Variants in ATAD5 observed in about 807,000 individuals in gnomAD.
ATAD5 encodes the protein ATPase family AAA domain-containing protein 5.
In ATAD5, 58 loss-of-function variants were observed where a neutral mutation model predicts 176.9. The ratio of observed to expected loss-of-function variants is 0.33; its 90% confidence interval spans 0.27 to 0.41. The LOEUF (loss-of-function observed/expected upper bound fraction) is 0.41. ATAD5 is among the 10% of genes least tolerant of loss of function. The pLI, the probability that ATAD5 is intolerant of heterozygous loss-of-function variation, is 1.00. For missense variants in ATAD5, 1,789 were observed against 2,094.1 expected, an observed-to-expected ratio of 0.85 and a Z score of 2.84; for synonymous variants, 640 against 712.6, an observed-to-expected ratio of 0.90 and a Z score of 1.62.
chr17:30,851,789 G>A (rs1906987451), intron 6 of ATAD5, among the ~76,000 whole-genome samples: 1 of 152,130 alleles, frequency 6.6e-6, no homozygotes, highest in Admixed American at 6.6e-5. Context: ...TGCCGTGTTG[G>A]CCAGGCTGTC....
chr17:30,872,267 C>G (rs1908379439), intron 14 of ATAD5, among the ~76,000 whole-genome samples: 1 of 152,098 alleles, frequency 6.6e-6, no homozygotes, highest in Non-Finnish European at 1.5e-5. Flanking sequence ...AGCATTTAGT[C>G]TAGGGCTAAT....
At chr17:30,877,369 T>C (rs1304745710) in intron 15 of ATAD5, 47 bp from the exon 16 acceptor site, 1 of 1,303,030 alleles carries the variant, frequency 7.7e-7, no homozygotes, top group East Asian at 2.4e-5. Context: ...TCCAATGTCT[T>C]AGCAAAAGTT....
At position 30,835,597 on chromosome 17, in the gene ATAD5, A is replaced by G. The variant is rs533226106; in HGVS notation, c.1516A>G (p.Thr506Ala). Reference sequence around the variant, plus strand: ...GGGAAACACTCAAAAGAAAGAAACAACCTTTTTCTTAAAAGAGAAACAATA... The same window carrying G: ...GGGAAACACTCAAAAGAAAGAAACAGCCTTTTTCTTAAAAGAGAAACAATA... ...REGNTQKKET[T>A]FFLKEKQYQN... is the part of the protein sequence containing the mutation. The change falls in exon 2 of 23, where the codon ACC becomes GCC. Residue 506 changes from threonine to alanine, a missense_variant. Physicochemically the swap from Thr to Ala is moderately conservative, Grantham distance 58. Coordinates refer to ENST00000321990, the MANE Select transcript of ATAD5 (RefSeq NM_024857.5). 163 of 1,611,730 alleles carry G rather than the reference A, an allele frequency of 1.0e-4. No homozygotes were observed. In the South Asian group the frequency reaches 1.7e-3, roughly 17 times the overall value.
At chr17:30,833,322 T>C (rs1412732055) in intron 1 of ATAD5, among the ~76,000 whole-genome samples, 1 of 152,190 alleles carries the variant, frequency 6.6e-6, no homozygotes, top group African/African-American at 2.4e-5. Context: ...ATCTTTCCGT[T>C]ACAGTTTCTG....
chr17:30,869,138 T>C, intron 12 of ATAD5, 110 bp from the exon 13 acceptor site: 2 of 1,326,690 alleles, frequency 1.5e-6, no homozygotes, highest in South Asian at 2.8e-5. Flanking sequence ...TATAAAGTAA[T>C]TTTTCAGCAT....
chr17:30,842,748 GTTGCT>G (rs1451385432), intron 4 of ATAD5, among the ~76,000 whole-genome samples: 5 of 152,044 alleles, frequency 3.3e-5, no homozygotes, highest in Non-Finnish European at 7.4e-5. Context: ...TCATATGTTA[GTTGCT>G]TTATTTTTTA....
rs1033691490 is a variant in ATAD5, at chr17:30,858,502, C to T, written c.2956+179C>T. Among the ~76,000 whole-genome samples, 81 of 152,250 alleles carry T rather than the reference C, an allele frequency of 5.3e-4. 1 individual carries two copies. The highest frequency in any genetic ancestry group is 5.0e-3 in the Admixed American group (76 of 15,274). ...CTGGGTTCAAGTGATTCTCCTGCCT[C>T]AGCCTCCTGAGTAGCTGGGATTACA... On this transcript the variant is annotated intron_variant, in intron 9 of 22. Transcript: ENST00000321990.
In ATAD5 at chr17:30,835,457, G is replaced by A. The variant is rs577468040; in HGVS notation, c.1376G>A (p.Gly459Asp). The A allele has an allele frequency of 8.1e-6, 13 of 1,611,286 alleles. No homozygotes were observed. Among genetic ancestry groups the A allele is most frequent in the Non-Finnish European group, 1.0e-5 (12 of 1,179,102 alleles). Residue 459 changes from glycine (G) to aspartate (D), a missense_variant, in exon 2 of 23, where the codon GGC (glycine) becomes GAC (aspartate). Coordinates refer to ENST00000321990, the MANE Select transcript of ATAD5 (RefSeq NM_024857.5). ...NSGIQMVSKN[G>D]NLQLHTDKGS... is the part of the protein sequence containing the mutation. ...GGTATCCAAATGGTTTCAAAAAATG[G>A]CAATTTACAGTTACACACTGATAAA...
At chr17:30,884,479 AGT>A (rs1262291380) in intron 18 of ATAD5, among the ~76,000 whole-genome samples, 1 of 117,636 alleles carries the variant, frequency 8.5e-6, no homozygotes, top group Non-Finnish European at 1.6e-5. Flanking sequence ...CCTGGGCTGG[AGT>A]GCAGTGGCAC....
intron 18 of ATAD5, among the ~76,000 whole-genome samples, chr17:30,880,608 CAAAAAA>C (rs199862765): frequency 1.6e-4 from 13 of 79,238 alleles, no homozygotes; most frequent in African/African-American, 5.0e-4. Flanking sequence ...AACTACATCT[CAAAAAA>C]AAAAAAAAAG....
intron 10 of ATAD5, among the ~76,000 whole-genome samples, 169 bp from the exon 11 acceptor site, chr17:30,865,535 G>A (rs1036421579): frequency 6.6e-6 from 1 of 152,000 alleles, no homozygotes; most frequent in African/African-American, 2.4e-5. Context: ...GGTTTGGTGT[G>A]AAGAATTTTA....
chr17:30,889,076 A>ATT (rs1192943051), intron 19 of ATAD5, among the ~76,000 whole-genome samples: 2 of 150,046 alleles, frequency 1.3e-5, no homozygotes, highest in African/African-American at 4.9e-5. Context: ...AAAAAAAAAA[A>ATT]TTAAAAAACA....
At chr17:30,862,423 C>T (rs1907697185) in intron 10 of ATAD5, among the ~76,000 whole-genome samples, 1 of 152,076 alleles carries the variant, frequency 6.6e-6, no homozygotes, top group Admixed American at 6.6e-5. Flanking sequence ...ATATCTCTGA[C>T]ATGTTCTCAT....
intron 14 of ATAD5, among the ~76,000 whole-genome samples, chr17:30,875,895 T>C (rs2142413976): frequency 6.6e-6 from 1 of 151,944 alleles, no homozygotes. Context: ...CCGAGCACTT[T>C]GGGAGGCCGA....
intron 14 of ATAD5, among the ~76,000 whole-genome samples, chr17:30,870,114 CA>C (rs969772454): frequency 4.7e-5 from 7 of 149,546 alleles, no homozygotes; most frequent in African/African-American, 9.8e-5. Context: ...ATCCCATCTC[CA>C]AAAAAAAAGA....
chr17:30,877,602 A>G lies in ATAD5; in HGVS notation c.3918+53A>G, dbSNP rs182582753. 3.1e-4 allele frequency: 463 copies of G among 1,515,042 alleles called. 3 individuals carry two copies. The Middle Eastern group carries it at 4.3e-3, about 14-fold the overall frequency. The allele number at this position is 1,515,042 out of a possible 1,614,324, so 93.8% of individuals were successfully genotyped here. On this transcript the variant is annotated intron_variant, in intron 16 of 22. Transcript: ENST00000321990. ...AGAGCTCATGATAAAGACTTACTTT[A>G]AAGAATACTGTATGTTTTCTTATAA...
At chr17:30,862,223 A>G (rs1222131025) in intron 10 of ATAD5, among the ~76,000 whole-genome samples, 1 of 150,998 alleles carries the variant, frequency 6.6e-6, no homozygotes, top group African/African-American at 2.4e-5. Context: ...AATCCCAGCT[A>G]CTTGGGAGGC....
chr17:30,889,115 A>G (rs1301863223), intron 19 of ATAD5, among the ~76,000 whole-genome samples: 6 of 150,588 alleles, frequency 4.0e-5, no homozygotes, highest in African/African-American at 1.5e-4. Context: ...CAAACACAAA[A>G]AACCTCCCAC....
chr17:30,860,457 A>G lies in ATAD5; in HGVS notation c.2981A>G (p.Lys994Arg). ...KQELEADVSH[K>R]ETKRKLVEAE... is the part of the protein sequence containing the mutation. ...GAACTGGAGGCTGATGTCAGCCATA[A>G]AGAAACCAAAAGGAAACTCGTAGAA... is the stretch of plus-strand genomic sequence containing the variant. The change falls in exon 10 of 23, where the codon AAA (lysine) becomes AGA (arginine). Residue 994 changes from lysine to arginine, a missense_variant. Physicochemically the swap from Lys to Arg is conservative, Grantham distance 26. Coordinates refer to ENST00000321990, the MANE Select transcript of ATAD5 (RefSeq NM_024857.5). The G allele has an allele frequency of 6.3e-7, 1 of 1,594,926 alleles. No individual in the cohort carries two copies. Among genetic ancestry groups the G allele is most frequent in the Non-Finnish European group, 8.5e-7 (1 of 1,175,890 alleles).
Sources: gnomAD v4.1 joint callset for allele counts (sites outside exome capture counted in the v4.1 genomes callset) on GRCh38, gnomAD v4.1.1 for gene constraint, MANE v1.5 for transcripts, NCBI Gene and HGNC (gene_info 2026-07-23, HGNC 2026-07-21) for gene names.